Variants in NDUFAF2 observed in about 807,000 individuals in gnomAD.
The protein encoded by NDUFAF2 is NADH:ubiquinone oxidoreductase complex assembly factor 2.
A neutral mutation model predicts 22.8 loss-of-function variants in NDUFAF2; 13 were observed. That is an observed-to-expected ratio of 0.57 (90% CI 0.37 to 0.91). NDUFAF2 has a LOEUF of 0.91. NDUFAF2 is among the 40% of genes least tolerant of loss of function. NDUFAF2 has a pLI of 0.01. For missense variants in NDUFAF2, 162 were observed against 195.2 expected, an observed-to-expected ratio of 0.83 and a Z score of 1.01; for synonymous variants, 53 against 64.2, an observed-to-expected ratio of 0.83 and a Z score of 0.84.
intron 1 of NDUFAF2, among the ~76,000 whole-genome samples, chr5:61,011,552 A>G (rs1751442759): frequency 6.6e-6 from 1 of 152,132 alleles, no homozygotes; most frequent in South Asian, 2.1e-4. Context: ...GGTGGCTGCC[A>G]TAAGGTAGGT....
At chr5:61,152,076 AT>A (rs1741249098) in intron 3 of NDUFAF2, among the ~76,000 whole-genome samples, 2 of 152,186 alleles carry the variant, frequency 1.3e-5, no homozygotes, top group South Asian at 4.1e-4. Context: ...ACAGAACTGC[AT>A]TGTACAATCT....
At chr5:61,061,911 G>C (rs868486448) in intron 1 of NDUFAF2, among the ~76,000 whole-genome samples, 22 of 152,294 alleles carry the variant, frequency 1.4e-4, no homozygotes, top group Middle Eastern at 6.8e-3. Context: ...AACTCCTGAA[G>C]CCTAGACCAG....
intron 1 of NDUFAF2, among the ~76,000 whole-genome samples, chr5:61,067,309 C>T (rs533324562): frequency 1.4e-5 from 2 of 146,904 alleles, no homozygotes; most frequent in South Asian, 4.6e-4. Context: ...TCCCTCCCCC[C>T]TCCCCCTACC....
At position 61,049,913 on chromosome 5, in the gene NDUFAF2, A is replaced by ACG. The variant is rs1383693131; in HGVS notation, c.128-23211_128-23210insGC. 3.3e-5 allele frequency among the ~76,000 whole-genome samples: 5 copies of ACG among 151,322 alleles called. No individual in the cohort carries two copies. In the East Asian group the frequency reaches 7.8e-4, roughly 23 times the overall value. ...CACACACACACACACACACACACACACACAGTCTGACATGTATAGTCTGAT... is the reference window on the plus strand; with the variant it reads ...CACACACACACACACACACACACACACGCACAGTCTGACATGTATAGTCTGAT... On this transcript the variant is annotated intron_variant, in intron 1 of 3. Transcript: ENST00000296597.
intron 1 of NDUFAF2, among the ~76,000 whole-genome samples, chr5:61,041,325 A>G (rs989298216): frequency 4.6e-5 from 7 of 152,100 alleles, no homozygotes; most frequent in African/African-American, 1.7e-4. Flanking sequence ...TAGTTTTATA[A>G]GTATTTGAAT....
intron 3 of NDUFAF2, among the ~76,000 whole-genome samples, chr5:61,100,304 T>C (rs1276263715): frequency 6.6e-6 from 1 of 152,086 alleles, no homozygotes; most frequent in Non-Finnish European, 1.5e-5. Context: ...AACATTAATA[T>C]GCAAAGTGAT....
intron 1 of NDUFAF2, among the ~76,000 whole-genome samples, chr5:60,981,265 C>A (rs947446025): frequency 2.0e-5 from 3 of 152,100 alleles, no homozygotes; most frequent in African/African-American, 7.2e-5. Flanking sequence ...CCTTACAGGT[C>A]AGGAGACAGT....
intron 1 of NDUFAF2, among the ~76,000 whole-genome samples, chr5:61,035,837 T>C (rs1299350194): frequency 6.6e-6 from 1 of 152,224 alleles, no homozygotes; most frequent in African/African-American, 2.4e-5. Flanking sequence ...ATGATGAGTC[T>C]ACATTCTATC....
At chr5:61,151,550 G>A (rs1285513933) in intron 3 of NDUFAF2, among the ~76,000 whole-genome samples, 1 of 151,870 alleles carries the variant, frequency 6.6e-6, no homozygotes, top group African/African-American at 2.4e-5. Context: ...AGGCTGAGGC[G>A]GGCAGATCAC....
chr5:60,991,364 G>T (rs1417005412), intron 1 of NDUFAF2, among the ~76,000 whole-genome samples: 1 of 151,584 alleles, frequency 6.6e-6, no homozygotes, highest in Non-Finnish European at 1.5e-5. Flanking sequence ...AATTATTATT[G>T]ACTATAGTTG....
At chr5:60,980,640 G>A (rs1361765303) in intron 1 of NDUFAF2, among the ~76,000 whole-genome samples, 1 of 152,042 alleles carries the variant, frequency 6.6e-6, no homozygotes, top group East Asian at 1.9e-4. Flanking sequence ...GGGTGCAGTG[G>A]CACATGCCCA....
intron 3 of NDUFAF2, among the ~76,000 whole-genome samples, chr5:61,112,634 C>T (rs553653705): frequency 2.0e-5 from 3 of 152,210 alleles, no homozygotes; most frequent in Admixed American, 6.5e-5. Flanking sequence ...TATTTTCAGG[C>T]TATATGAGTC....
At chr5:61,083,019 T>C (rs982452555) in intron 2 of NDUFAF2, among the ~76,000 whole-genome samples, 2 of 152,160 alleles carry the variant, frequency 1.3e-5, no homozygotes, top group African/African-American at 4.8e-5. Flanking sequence ...CCCATTTCTT[T>C]GCAACTTCAC....
intron 1 of NDUFAF2, among the ~76,000 whole-genome samples, chr5:60,996,599 G>T (rs62367880): frequency 0.1 from 15,829 of 152,090 alleles, 1,112 homozygotes; most frequent in South Asian, 0.17. Context: ...TTCAACACCA[G>T]GATTCATCCA....
intron 1 of NDUFAF2, among the ~76,000 whole-genome samples, chr5:60,996,616 G>A (rs1751232001): frequency 6.6e-6 from 1 of 152,164 alleles, no homozygotes; most frequent in South Asian, 2.1e-4. Context: ...TCCAAGAGTT[G>A]CAATCCTTAT....
chr5:61,110,148 A>G (rs1752819770), intron 3 of NDUFAF2, among the ~76,000 whole-genome samples: 2 of 152,166 alleles, frequency 1.3e-5, no homozygotes, highest in African/African-American at 4.8e-5. Context: ...GATAAATCCT[A>G]CTTAGTCATG....
chr5:60,988,336 T>G (rs546457978), intron 1 of NDUFAF2, among the ~76,000 whole-genome samples: 44 of 152,236 alleles, frequency 2.9e-4, no homozygotes, highest in African/African-American at 1.0e-3. Flanking sequence ...CCCAATATTT[T>G]TTAAAATGGC....
intron 1 of NDUFAF2, among the ~76,000 whole-genome samples, chr5:60,994,016 C>T (rs555646863): frequency 1.6e-4 from 24 of 152,234 alleles, no homozygotes; most frequent in African/African-American, 3.1e-4. Context: ...TGCCAAGGGG[C>T]GCCTGCAGGC....
chr5:60,967,957 A>C (rs1352073496), intron 1 of NDUFAF2, among the ~76,000 whole-genome samples: 2 of 151,464 alleles, frequency 1.3e-5, no homozygotes, highest in Admixed American at 6.6e-5. Context: ...TTCAGCAGTA[A>C]AGCCATCAGG....
Sources: allele counts gnomAD v4.1 joint callset (sites outside exome capture counted in the v4.1 genomes callset), GRCh38; gene constraint gnomAD v4.1.1; transcripts MANE v1.5; gene names NCBI Gene and HGNC (gene_info 2026-07-23, HGNC 2026-07-21).